STARD13: variants seen among roughly 807,000 people sequenced by gnomAD.
The protein encoded by STARD13 is stAR-related lipid transfer protein 13.
In STARD13, 62 loss-of-function variants were observed where a neutral mutation model predicts 106.4. The ratio of observed to expected loss-of-function variants is 0.58; its 90% CI spans 0.48 to 0.72. The LOEUF (loss-of-function observed/expected upper bound fraction) is 0.72, where lower values mean the gene tolerates loss of function less well. Among genes scored for constraint, STARD13 ranks in the 30% least tolerant of loss-of-function variants. STARD13 has a pLI of 0.00. For synonymous variants in STARD13, 565 were observed against 553.0 expected (o/e 1.02, Z -0.31); for missense variants, 1,387 against 1,424.0 (o/e 0.97, Z 0.42).
the STARD13 span, among the ~76,000 whole-genome samples, chr13:33,475,233 A>G: frequency 8.5e-5 from 13 of 152,158 alleles, no homozygotes; most frequent in Non-Finnish European, 1.0e-4. Context: ...TTCCCAAAGA[A>G]TATCAGTTTA....
chr13:33,144,939 T>C (rs979171068), intron 3 of STARD13, among the ~76,000 whole-genome samples: 5 of 152,228 alleles, frequency 3.3e-5, no homozygotes, highest in African/African-American at 9.6e-5. Flanking sequence ...ATCTTCTATA[T>C]ACCACAGACT....
At chr13:33,216,452 G>C (rs1888047084) in intron 1 of STARD13, among the ~76,000 whole-genome samples, 1 of 152,168 alleles carries the variant, frequency 6.6e-6, no homozygotes, top group Non-Finnish European at 1.5e-5. Context: ...TCTAAGTGAA[G>C]TAACTCAGGA....
intron 3 of STARD13, among the ~76,000 whole-genome samples, chr13:33,157,460 G>A (rs900599706): frequency 2.0e-5 from 3 of 152,156 alleles, no homozygotes; most frequent in African/African-American, 4.8e-5. Flanking sequence ...TTGAGGTCAC[G>A]AGTTTGAAAC....
At chr13:33,542,427 C>T in the STARD13 span, among the ~76,000 whole-genome samples, 6 of 152,256 alleles carry the variant, frequency 3.9e-5, no homozygotes, top group Non-Finnish European at 7.3e-5. Flanking sequence ...ACCCCGTGGG[C>T]GGGATTTAAA....
At chr13:33,579,519 A>G in the STARD13 span, among the ~76,000 whole-genome samples, 1 of 151,922 alleles carries the variant, frequency 6.6e-6, no homozygotes, top group South Asian at 2.1e-4. Flanking sequence ...AAAACTATAT[A>G]TTGAGTACAA....
chr13:33,531,991 C>T, the STARD13 span, among the ~76,000 whole-genome samples: 4,494 of 152,206 alleles, frequency 0.03, 85 homozygotes, highest in Middle Eastern at 0.051. Context: ...GCTGTCCCCC[C>T]GTCCCCATCT....
At chr13:33,468,680 C>T in the STARD13 span, among the ~76,000 whole-genome samples, 1 of 152,014 alleles carries the variant, frequency 6.6e-6, no homozygotes, top group Non-Finnish European at 1.5e-5. Flanking sequence ...TGATCTTGCC[C>T]AGATCAAGTT....
chr13:33,570,102 T>A, the STARD13 span, among the ~76,000 whole-genome samples: 2 of 147,670 alleles, frequency 1.4e-5, no homozygotes, highest in African/African-American at 5.0e-5. Context: ...AAGGGAAATA[T>A]CAGTGTGTGG....
chr13:33,374,911 T>C, the STARD13 span, among the ~76,000 whole-genome samples: 2 of 152,220 alleles, frequency 1.3e-5, no homozygotes. Flanking sequence ...TCCAAAATTC[T>C]TTATTGCTAA....
chr13:33,596,253 C>T, the STARD13 span, among the ~76,000 whole-genome samples: 10 of 152,152 alleles, frequency 6.6e-5, no homozygotes, highest in African/African-American at 1.7e-4. Context: ...ATAGGCGAAA[C>T]GCCCCAAGTG....
At position 33,138,774 on chromosome 13, in the gene STARD13, C is replaced by CG. The variant is rs1879415553; in HGVS notation, c.387+3535dup. 1.7e-4 allele frequency: 77 copies of CG among 444,676 alleles called. 3 individuals are homozygous for CG. The highest frequency in any genetic ancestry group is 1.2e-3 in the South Asian group (75 of 61,882). The allele number at this position is 444,676 out of a possible 1,614,324, so 27.5% of individuals were successfully genotyped here. A position where few individuals can be genotyped will look rare whatever the true frequency, so the allele number is the denominator to read the frequency against. ...CTGGGTTGTTAGTCTTCCAGTGAGG[C>CG]GTGCAGCTAAGCTCGAGAATACTCC... On this transcript the variant is annotated intron_variant, in intron 4 of 13. Transcript: ENST00000336934.
At chr13:33,320,573 T>C (rs1262504350) in intron 1 of STARD13, among the ~76,000 whole-genome samples, 3 of 152,248 alleles carry the variant, frequency 2.0e-5, no homozygotes, top group Admixed American at 6.5e-5. Context: ...TGTACTCAGA[T>C]GATTTTTTCA....
chr13:33,580,849 G>T, the STARD13 span, among the ~76,000 whole-genome samples: 1 of 152,002 alleles, frequency 6.6e-6, no homozygotes, highest in Non-Finnish European at 1.5e-5. Context: ...ATATATATTT[G>T]TTTATCTCTC....
At chr13:33,389,455 T>C in the STARD13 span, among the ~76,000 whole-genome samples, 1 of 151,796 alleles carries the variant, frequency 6.6e-6, no homozygotes, top group Non-Finnish European at 1.5e-5. Context: ...AGCGAGGGAG[T>C]GAGCTGGGCC....
At chr13:33,274,208 AGAGTGT>A (rs1283820647) in intron 1 of STARD13, 3 of 152,106 alleles carry the variant, frequency 2.0e-5, no homozygotes, top group Non-Finnish European at 2.9e-5. Flanking sequence ...CCAATACCTT[AGAGTGT>A]GAGTATATTT....
At chr13:33,348,859 G>A (rs1435599833) in exon 2 of STARD13, 4 of 390,582 alleles carry the variant, frequency 1.0e-5, no homozygotes, top group Non-Finnish European at 1.4e-5. Context: ...CCACTGTGTT[G>A]GAGAGAAAAT....
At chr13:33,268,450 A>C (rs1354852247) in intron 1 of STARD13, among the ~76,000 whole-genome samples, 3 of 152,220 alleles carry the variant, frequency 2.0e-5, no homozygotes, top group Non-Finnish European at 2.9e-5. Flanking sequence ...AAAGTAACAC[A>C]CACTGAGCCC....
the STARD13 span, among the ~76,000 whole-genome samples, chr13:33,636,239 T>A: frequency 6.6e-6 from 1 of 151,900 alleles, no homozygotes; most frequent in African/African-American, 2.4e-5. Flanking sequence ...TAAGACTGAT[T>A]GCGATGATTT....
At chr13:33,176,879 A>T (rs797218) in intron 1 of STARD13, among the ~76,000 whole-genome samples, 53,846 of 152,168 alleles carry the variant, frequency 0.35, 9,725 homozygotes, top group Non-Finnish European at 0.4. Flanking sequence ...ATGTTTTAAA[A>T]GTTTAATATA....
Sources: allele counts gnomAD v4.1 joint callset (sites outside exome capture counted in the v4.1 genomes callset), GRCh38; gene constraint gnomAD v4.1.1; transcripts MANE v1.5; gene names NCBI Gene and HGNC (gene_info 2026-07-23, HGNC 2026-07-21).